NR1D2: variants seen among roughly 807,000 people sequenced by gnomAD.
NR1D2 encodes the protein V-erbA-related protein 1-related.
A neutral mutation model predicts 52.2 loss-of-function variants in NR1D2; 25 were observed. The observed-to-expected ratio is 0.48, with a 90% CI of 0.35 to 0.67. The LOEUF (loss-of-function observed/expected upper bound fraction) is 0.67. NR1D2 is among the 30% of genes least tolerant of loss of function. The pLI is 0.01. For missense variants in NR1D2, 681 were observed against 707.2 expected, an observed-to-expected ratio of 0.96 and a Z score of 0.42; for synonymous variants, 259 against 230.1, an observed-to-expected ratio of 1.13 and a Z score of -1.14.
chr3:23,973,059 A>G (rs1332040600), intron 7 of NR1D2, among the ~76,000 whole-genome samples: 2 of 152,166 alleles, frequency 1.3e-5, no homozygotes, highest in African/African-American at 4.8e-5. Context: ...TGTCCAACCA[A>G]CTACTACTAA....
chr3:23,962,177 A>G lies in NR1D2; in HGVS notation c.718A>G (p.Ser240Gly). The change falls in exon 5 of 8, where the codon AGC (serine) becomes GGC (glycine). Residue 240 changes from serine to glycine, a missense_variant. Coordinates refer to ENST00000312521, the MANE Select transcript of NR1D2 (RefSeq NM_005126.5). ...CCAACTGGAGCAAGAAAACATCAAA[A>G]GCTCTTCTCCTCCATCTTCTGATTT... The part of the protein sequence containing the change: ...KPQLEQENIK[S>G]SSPPSSDFAK... 2.5e-6 allele frequency: 4 copies of G among 1,614,156 alleles called. No homozygotes were observed. Among genetic ancestry groups the G allele is most frequent in the Non-Finnish European group, 3.4e-6 (4 of 1,180,044 alleles).
chr3:23,964,205 G>A (rs1451343181), intron 5 of NR1D2, among the ~76,000 whole-genome samples: 3 of 151,956 alleles, frequency 2.0e-5, no homozygotes, highest in Non-Finnish European at 4.4e-5. Context: ...AGCCTCCTGA[G>A]TAGCTGGGAC....
In NR1D2 at chr3:23,971,303, A is replaced by ATTTTTTTT. The variant is rs11457044; in HGVS notation, c.1543+3293_1543+3300dup. ...ATATAATGCTTATATCTCTATACCT[A>ATTTTTTTT]TTTTTTTTTTTTTTTTTTTTGAGAC... On this transcript the variant is annotated intron_variant, in intron 7 of 7. Transcript: ENST00000312521. Among the ~76,000 whole-genome samples, 159 of 123,092 alleles carry ATTTTTTTT rather than the reference A, an allele frequency of 1.3e-3. 5 individuals carry two copies. Among genetic ancestry groups the ATTTTTTTT allele is most frequent in the African/African-American group, 4.9e-3 (152 of 31,040 alleles). 80.8% of individuals were successfully genotyped at this position (123,092 alleles called of 152,430 possible). A position where few individuals can be genotyped will look rare whatever the true frequency, so the allele number is the denominator to read the frequency against.
intron 1 of NR1D2, among the ~76,000 whole-genome samples, chr3:23,947,959 A>G (rs763844925): frequency 2.6e-5 from 4 of 152,120 alleles, no homozygotes; most frequent in African/African-American, 4.8e-5. Flanking sequence ...CTCTACTAAA[A>G]GGACAAAAAT....
At chr3:23,960,000 A>G (rs973254061) in intron 4 of NR1D2, 185 bp downstream of exon 4, 1 of 438,964 alleles carries the variant, frequency 2.3e-6, no homozygotes. Flanking sequence ...TTATCATCCC[A>G]GAAACAGTTT....
At position 23,978,497 on chromosome 3, in the gene NR1D2, A is replaced by C. The variant is rs992143092; in HGVS notation, c.*1078A>C. 1.2e-4 allele frequency: 18 copies of C among 150,408 alleles called. No individual in the cohort carries two copies. The highest frequency in any genetic ancestry group is 5.3e-4 in the Admixed American group (8 of 15,036). 9.3% of individuals were successfully genotyped at this position (150,408 alleles called of 1,614,324 possible). A position where few individuals can be genotyped will look rare whatever the true frequency, so the allele number is the denominator to read the frequency against. ...CAAATTTCAACGACAAAAAAAAAAA[A>C]CATGTATTTTAGAGTTCATCTTTGG... On this transcript the variant is annotated 3_prime_UTR_variant, in exon 8 of 8. Transcript: ENST00000312521.
rs182631936 is a variant in NR1D2 at position 23,957,591 on chromosome 3, T to G, written c.372+1466T>G. On this transcript the variant is annotated intron_variant, in intron 3 of 7. Transcript: ENST00000312521. ...AAAAAAAATTAGCCGGACGTAGTGG[T>G]GGGCGCCTGTAGTCCCAGCTACTCG... Among the ~76,000 whole-genome samples the G allele has an allele frequency of 2.4e-3, 358 of 149,872 alleles. 1 individual carries two copies. Among genetic ancestry groups the G allele is most frequent in the African/African-American group, 8.2e-3 (337 of 40,958 alleles).
intron 7 of NR1D2, among the ~76,000 whole-genome samples, chr3:23,972,969 A>T (rs1163520949): frequency 6.6e-6 from 1 of 152,208 alleles, no homozygotes; most frequent in Admixed American, 6.5e-5. Context: ...AACGAAGCAT[A>T]GGTCATCTAA....
chr3:23,945,739 C>T, intron 1 of NR1D2, 145 bp downstream of exon 1: 4 of 547,266 alleles, frequency 7.3e-6, no homozygotes, highest in South Asian at 8.3e-5. Context: ...GCCTCTGGCT[C>T]GGTTCCCATC....
At position 23,980,534 on chromosome 3, in the gene NR1D2, T is replaced by C. The variant is rs1267635279; in HGVS notation, c.*3115T>C. 1.3e-5 allele frequency: 2 copies of C among 152,044 alleles called. No homozygotes were observed. Among genetic ancestry groups the C allele is most frequent in the Admixed American group, 1.3e-4 (2 of 15,262 alleles). 9.4% of individuals were successfully genotyped at this position (152,044 alleles called of 1,614,324 possible). On this transcript the variant is annotated 3_prime_UTR_variant, in exon 8 of 8. Transcript: ENST00000312521. ...TAAGTTTATTTTCTACAAACTGTAA[T>C]TGATGAGGACATGGATAATATCTTC...
At chr3:23,971,422 C>T (rs999099856) in intron 7 of NR1D2, among the ~76,000 whole-genome samples, 1 of 150,306 alleles carries the variant, frequency 6.7e-6, no homozygotes, top group African/African-American at 2.5e-5. Flanking sequence ...GTGCCCAACA[C>T]CATCCTCAGC....
Position 23,945,733 on chromosome 3 carries a change from C to G in NR1D2, c.16+139C>G, listed in dbSNP as rs1388313018. On this transcript the variant is annotated intron_variant, in intron 1 of 7. Transcript: ENST00000312521. ...GCTGCTGCGCGCCGCGTGTCCGCCT[C>G]TGGCTCGGTTCCCATCGCCCCCCGG... The G allele has an allele frequency of 2.7e-5, 16 of 584,688 alleles. No individual in the cohort carries two copies. In the East Asian group the frequency reaches 6.1e-4, roughly 22 times the overall value. The allele number at this position is 584,688 out of a possible 1,614,324, so 36.2% of individuals were successfully genotyped here.
At chr3:23,948,132 A>G (rs923364301) in intron 1 of NR1D2, among the ~76,000 whole-genome samples, 2 of 150,186 alleles carry the variant, frequency 1.3e-5, no homozygotes, top group Admixed American at 6.6e-5. Flanking sequence ...AAAAAAAAAA[A>G]GCCTTTTAAC....
At chr3:23,950,908 T>C (rs74379114) in intron 1 of NR1D2, among the ~76,000 whole-genome samples, 1,132 of 112,728 alleles carry the variant, frequency 0.01, 10 homozygotes, top group Non-Finnish European at 0.013. Context: ...TTTTCTTTTT[T>C]TTTTTTTTTT....
In NR1D2 at chr3:23,962,170, C is replaced by G. The variant is rs535714091; in HGVS notation, c.711C>G (p.Asn237Lys). The change falls in exon 5 of 8, where the codon AAC becomes AAG. Residue 237 changes from asparagine (N) to lysine (K), a missense_variant. Around this residue, in one of 3 missense-constraint regions of NR1D2, gnomAD observed 475 missense variants for 454.5 expected, o/e 1.05. Coordinates refer to ENST00000312521, the MANE Select transcript of NR1D2 (RefSeq NM_005126.5). The stretch of plus-strand genomic sequence containing the variant: ...CCAAGCCCCAACTGGAGCAAGAAAA[C>G]ATCAAAAGCTCTTCTCCTCCATCTT... ...LRPKPQLEQE[N>K]IKSSSPPSSD... 9 of 1,614,164 alleles carry G rather than the reference C, an allele frequency of 5.6e-6. No homozygotes were observed. In the South Asian group the frequency reaches 7.7e-5, roughly 14 times the overall value.
At position 23,979,076 on chromosome 3, in the gene NR1D2, T is replaced by G. The variant is rs1014942966; in HGVS notation, c.*1657T>G. 2 of 152,150 alleles carry G rather than the reference T, an allele frequency of 1.3e-5. No individual in the cohort carries two copies. Among genetic ancestry groups the G allele is most frequent in the Admixed American group, 1.3e-4 (2 of 15,276 alleles). 9.4% of individuals were successfully genotyped at this position (152,150 alleles called of 1,614,324 possible). On this transcript the variant is annotated 3_prime_UTR_variant, in exon 8 of 8. Transcript: ENST00000312521. ...CGCTTTACTGTACTAAGCCTGTTAC[T>G]TTCATGACGTGTGAGCAGAATGCCT...
At chr3:23,954,964 T>C (rs1706043830) in intron 2 of NR1D2, among the ~76,000 whole-genome samples, 161 bp downstream of exon 2, 1 of 152,204 alleles carries the variant, frequency 6.6e-6, no homozygotes, top group African/African-American at 2.4e-5. Context: ...GTGATGATGA[T>C]AGAAGTTATA....
chr3:23,962,448 AC>A lies in NR1D2; in HGVS notation c.992del (p.Pro331GlnfsTer14), dbSNP rs1248757665. ...GQFKGRNIMH[Y>X]PNGHAICIAN... ...TTCAAAGGGAGGAATATAATGCATT[AC>A]CCAAATGGTCATGCCATTTGTATTG... On this transcript the variant is annotated frameshift_variant, in exon 5 of 8. Transcript: ENST00000312521. LOFTEE classifies it high-confidence loss of function. 4 of 1,614,090 alleles carry A rather than the reference AC, an allele frequency of 2.5e-6. No individual in the cohort carries two copies. Among genetic ancestry groups the A allele is most frequent in the Non-Finnish European group, 3.4e-6 (4 of 1,180,046 alleles).
intron 1 of NR1D2, among the ~76,000 whole-genome samples, chr3:23,947,036 T>A (rs192179583): frequency 6.8e-4 from 103 of 152,368 alleles, no homozygotes; most frequent in Admixed American, 1.3e-3. Flanking sequence ...TTATTTTTTT[T>A]AACCTGTTGT....
Sources: gnomAD v4.1 joint callset for allele counts (sites outside exome capture counted in the v4.1 genomes callset) on GRCh38, gnomAD v4.1.1 for gene constraint, gnomAD v4.1.1 regional missense constraint, MANE v1.5 for transcripts, NCBI Gene and HGNC (gene_info 2026-07-23, HGNC 2026-07-21) for gene names.